The following CFAP77 variants were observed in gnomAD, a reference collection of about 807,000 sequenced individuals.
The protein encoded by CFAP77 is cilia and flagella associated protein 77.
CFAP77 carries 25 observed loss-of-function variants against 31.1 expected under a neutral mutation model. That is an observed-to-expected ratio of 0.80 (90% CI 0.59 to 1.12). The LOEUF (loss-of-function observed/expected upper bound fraction) is 1.12, where lower values mean the gene tolerates loss of function less well. Ranked by LOEUF, CFAP77 falls within the 50% of genes most tolerant of loss-of-function variation. The pLI is 0.00. For synonymous variants in CFAP77, 151 were observed against 159.9 expected, an observed-to-expected ratio of 0.94 and a Z score of 0.42; for missense variants, 377 against 397.3, an observed-to-expected ratio of 0.95 and a Z score of 0.44.
chr9:132,478,149 C>T (rs1423772815), intron 1 of CFAP77, among the ~76,000 whole-genome samples: 2 of 151,928 alleles, frequency 1.3e-5, no homozygotes, highest in Admixed American at 6.6e-5. Flanking sequence ...GGAGGTGACT[C>T]GATCATGGGG....
chr9:132,557,684 GCA>G, intron 5 of CFAP77, among the ~76,000 whole-genome samples: 1 of 152,306 alleles, frequency 6.6e-6, no homozygotes, highest in East Asian at 1.9e-4. Context: ...GGCACCCCAT[GCA>G]AATCGAGGCC....
At chr9:132,500,393 A>T (rs1172561970) in intron 3 of CFAP77, among the ~76,000 whole-genome samples, 1 of 152,198 alleles carries the variant, frequency 6.6e-6, no homozygotes, top group Non-Finnish European at 1.5e-5. Context: ...GACGTAATGC[A>T]TATAAAAACC....
Position 132,419,898 on chromosome 9 carries a change from C to T in CFAP77, c.195+9432C>T, listed in dbSNP as rs139016191. Among the ~76,000 whole-genome samples the T allele has an allele frequency of 5.1e-3, 784 of 152,286 alleles. 4 individuals carry two copies. The highest frequency in any genetic ancestry group is 0.017 in the African/African-American group (701 of 41,554). The stretch of plus-strand genomic sequence containing the variant: ...GTGGGTGGCTGGGGGCAGTGACTCA[C>T]ACCTGTAATCCCAGTACTTTGGGAG... On this transcript the variant is annotated intron_variant, in intron 1 of 5. Transcript: ENST00000393216.
intron 3 of CFAP77, among the ~76,000 whole-genome samples, chr9:132,523,054 C>T (rs1852297023): frequency 6.6e-6 from 1 of 151,662 alleles, no homozygotes; most frequent in African/African-American, 2.4e-5. Flanking sequence ...TCGGGCCTCG[C>T]TGTGGACATC....
At chr9:132,543,190 A>G in intron 5 of CFAP77, 143 bp downstream of exon 5, 1 of 677,914 alleles carries the variant, frequency 1.5e-6, no homozygotes, top group Non-Finnish European at 2.6e-6. Context: ...CGCAACAGCT[A>G]ATGTTTCCTG....
rs111539437 is a variant in CFAP77, at chr9:132,564,404, A to G, written c.733-7984A>G. Among the ~76,000 whole-genome samples, 40 of 152,376 alleles carry G rather than the reference A, an allele frequency of 2.6e-4. No homozygotes were observed. Among genetic ancestry groups the G allele is most frequent in the African/African-American group, 9.6e-4 (40 of 41,600 alleles). On this transcript the variant is annotated intron_variant, in intron 5 of 5. Transcript: ENST00000393216. The surrounding 1 kb of genome is among the most constrained non-coding windows in gnomAD (Gnocchi z 4.6). Reference sequence around the variant, plus strand: ...GACTTGTGAGGATTACTTCAGCACCAAAGAAATTGAATTAGAAATCAGTAA... The same window carrying G: ...GACTTGTGAGGATTACTTCAGCACCGAAGAAATTGAATTAGAAATCAGTAA...
At chr9:132,414,131 T>C (rs1040318653) in intron 1 of CFAP77, among the ~76,000 whole-genome samples, 1 of 152,228 alleles carries the variant, frequency 6.6e-6, no homozygotes, top group African/African-American at 2.4e-5. Flanking sequence ...ACAATCCAGA[T>C]TGGTGACATC....
chr9:132,556,550 T>G (rs1330251210), intron 5 of CFAP77, among the ~76,000 whole-genome samples: 1 of 152,052 alleles, frequency 6.6e-6, no homozygotes, highest in Non-Finnish European at 1.5e-5. Context: ...GTGAAAAGTC[T>G]GGAAAACACA....
intron 1 of CFAP77, among the ~76,000 whole-genome samples, chr9:132,472,621 G>A (rs1275027558): frequency 6.6e-6 from 1 of 152,136 alleles, no homozygotes; most frequent in Non-Finnish European, 1.5e-5. Context: ...TTAGCTGGGC[G>A]TGGTGCAGCC....
rs1366381449 is a variant in CFAP77 at position 132,499,357 on chromosome 9, T to C, written c.296-15T>C. Reference sequence around the variant, plus strand: ...CAGGCTGACCACTGCCCCGTGGGTCTCTCCCTGCCCTCAGCCATCGGACGC... The same window carrying C: ...CAGGCTGACCACTGCCCCGTGGGTCCCTCCCTGCCCTCAGCCATCGGACGC... On this transcript the variant is annotated splice_polypyrimidine_tract_variant and intron_variant, in intron 2 of 5. Coordinates refer to ENST00000393216, the MANE Select transcript of CFAP77 (RefSeq NM_001282957.2). The surrounding 1 kb of genome is among the most constrained non-coding windows in gnomAD (Gnocchi z 5.4). The C allele has an allele frequency of 2.5e-6, 4 of 1,612,616 alleles. No individual in the cohort carries two copies. The highest frequency in any genetic ancestry group is 3.4e-6 in the Non-Finnish European group (4 of 1,179,130).
chr9:132,525,065 G>A (rs1446609269), intron 3 of CFAP77, among the ~76,000 whole-genome samples: 1 of 146,408 alleles, frequency 6.8e-6, no homozygotes, highest in East Asian at 2.0e-4. Flanking sequence ...TGACGCCCAG[G>A]TTGGAGTGCA....
chr9:132,519,506 GGGTGGGTGGGTGGGTA>G (rs1589902438), intron 3 of CFAP77, among the ~76,000 whole-genome samples: 3 of 119,988 alleles, frequency 2.5e-5, no homozygotes, highest in Admixed American at 8.0e-5. Flanking sequence ...ATGCATGGAT[GGGTGGGTGGGTGGGTA>G]GATGGATGGA....
Position 132,410,274 on chromosome 9 carries a change from GC to G in CFAP77, c.5del (p.Pro2GlnfsTer35). On this transcript the variant is annotated frameshift_variant, in exon 1 of 6. Transcript: ENST00000393216. LOFTEE classifies it high-confidence loss of function. ...CCGGCTCCCCGGCGACCTCAAGGAT[GC>G]CAGAGGCCAGGAGCTCCGGCCCGGA... is the stretch of plus-strand genomic sequence containing the variant. M[P>X]EARSSGPDLT... 1 of 1,568,526 alleles carries G rather than the reference GC, an allele frequency of 6.4e-7. No individual in the cohort carries two copies. The highest frequency in any genetic ancestry group is 1.1e-5 in the South Asian group (1 of 87,040).
At chr9:132,561,505 G>A (rs768800662) in intron 5 of CFAP77, among the ~76,000 whole-genome samples, 32 of 151,574 alleles carry the variant, frequency 2.1e-4, no homozygotes, top group Non-Finnish European at 3.4e-4. Flanking sequence ...AGTGGGACTG[G>A]GTCAGGGACC....
At chr9:132,459,227 A>G (rs2131723085) in intron 1 of CFAP77, among the ~76,000 whole-genome samples, 1 of 152,012 alleles carries the variant, frequency 6.6e-6, no homozygotes. Flanking sequence ...GCCCGCCACC[A>G]CGCCCAGCTA....
chr9:132,450,702 G>A (rs1305139271), intron 1 of CFAP77, among the ~76,000 whole-genome samples: 4 of 152,180 alleles, frequency 2.6e-5, no homozygotes, highest in African/African-American at 9.7e-5. Flanking sequence ...TTCTGATACT[G>A]TAGGCCATGA....
At chr9:132,515,253 C>A (rs551710583) in intron 3 of CFAP77, among the ~76,000 whole-genome samples, 1 of 152,140 alleles carries the variant, frequency 6.6e-6, no homozygotes, top group East Asian at 1.9e-4. Flanking sequence ...CAGAGAACCC[C>A]GGCTCGACAT....
chr9:132,464,124 T>C (rs1363984803), intron 1 of CFAP77, among the ~76,000 whole-genome samples: 1 of 152,202 alleles, frequency 6.6e-6, no homozygotes, highest in Non-Finnish European at 1.5e-5. Flanking sequence ...AAAGTTCAGG[T>C]ATTTCCCAGC....
rs1851764351 is a variant in CFAP77 at position 132,497,498 on chromosome 9, C to T, written c.196-1197C>T. On this transcript the variant is annotated intron_variant, in intron 1 of 5. Coordinates refer to ENST00000393216, the MANE Select transcript of CFAP77 (RefSeq NM_001282957.2). The surrounding 1 kb of genome is among the most constrained non-coding windows in gnomAD (Gnocchi z 4.9). ...GGACAGTGGAAGGAGCAGCTGCACCCACCCTTCTCAGTAATGGCCCCGGGG... is the reference window on the plus strand; with the variant it reads ...GGACAGTGGAAGGAGCAGCTGCACCTACCCTTCTCAGTAATGGCCCCGGGG... 6.6e-6 allele frequency among the ~76,000 whole-genome samples: 1 copy of T among 152,246 alleles called. No individual in the cohort carries two copies. The highest frequency in any genetic ancestry group is 6.5e-5 in the Admixed American group (1 of 15,286).
Sources: allele counts gnomAD v4.1 joint callset (sites outside exome capture counted in the v4.1 genomes callset), GRCh38; gene constraint gnomAD v4.1.1; non-coding constraint Gnocchi (gnomAD v3.1); transcripts MANE v1.5; gene names NCBI Gene and HGNC (gene_info 2026-07-23, HGNC 2026-07-21).